DNAH14: variants seen among roughly 807,000 people sequenced by gnomAD.
DNAH14 encodes the protein dynein axonemal heavy chain 14.
DNAH14 carries 478 observed loss-of-function variants against 520.9 expected under a neutral mutation model. That is an observed-to-expected ratio of 0.92 (90% CI 0.85 to 0.99). DNAH14 has a LOEUF of 0.99. Ranked by LOEUF, DNAH14 falls within the 50% of genes least tolerant of loss-of-function variation. The pLI, the probability that DNAH14 is intolerant of heterozygous loss-of-function variation, is 0.00. For missense variants in DNAH14, 4,831 were observed against 5,234.5 expected, an observed-to-expected ratio of 0.92 and a Z score of 2.38; for synonymous variants, 1,581 against 1,757.2, an observed-to-expected ratio of 0.90 and a Z score of 2.51.
chr1:225,351,945 A>G, intron 72 of DNAH14, 62 bp downstream of exon 72: 2 of 1,346,342 alleles, frequency 1.5e-6, no homozygotes, highest in Non-Finnish European at 2.0e-6. Context: ...TGGATTTTCA[A>G]TTTGTAAATG....
At chr1:224,951,879 T>C (rs1260278032) in intron 1 of DNAH14, among the ~76,000 whole-genome samples, 3 of 152,084 alleles carry the variant, frequency 2.0e-5, no homozygotes, top group African/African-American at 7.2e-5. Flanking sequence ...GACCTCGTGA[T>C]CCACCCGCCT....
chr1:225,296,684 G>T (rs1280752201), intron 55 of DNAH14, among the ~76,000 whole-genome samples: 2 of 152,074 alleles, frequency 1.3e-5, no homozygotes, highest in African/African-American at 4.8e-5. Context: ...TAGGGGTGAT[G>T]AATTCCCTCA....
chr1:225,360,701 C>G lies in DNAH14; in HGVS notation c.11797C>G (p.Leu3933Val). 1 of 1,551,718 alleles carries G rather than the reference C, an allele frequency of 6.4e-7. No individual in the cohort carries two copies. The highest frequency in any genetic ancestry group is 1.4e-5 in the African/African-American group (1 of 73,180). ...TACAGGGATCGACCTTACCAATATC[C>G]TCCTGAGATTTGCACAAGAGTTAAA... ...QTHGIDLTNI[L>V]LRFAQELKGT... Residue 3933 changes from leucine to valine, a missense_variant, in exon 75 of 86, where the codon CTC becomes GTC. Transcript: ENST00000682510.
At chr1:225,201,739 G>A (rs573942653) in intron 38 of DNAH14, among the ~76,000 whole-genome samples, 8 of 152,234 alleles carry the variant, frequency 5.3e-5, no homozygotes, top group African/African-American at 9.6e-5. Context: ...TCTCAGCCAC[G>A]GGTAGCAGCA....
At chr1:225,302,035 C>T (rs530818706) in intron 56 of DNAH14, among the ~76,000 whole-genome samples, 1 of 149,512 alleles carries the variant, frequency 6.7e-6, no homozygotes, top group East Asian at 1.9e-4. Flanking sequence ...GAGAATAGTA[C>T]TCCAGAAAAT....
At chr1:225,133,909 G>A (rs149145366) in intron 27 of DNAH14, among the ~76,000 whole-genome samples, 52 of 152,212 alleles carry the variant, frequency 3.4e-4, no homozygotes, top group African/African-American at 1.2e-3. Context: ...CCTGAGCAGT[G>A]GTTTGTAGTT....
chr1:225,002,275 C>T (rs971859827), intron 8 of DNAH14, among the ~76,000 whole-genome samples: 1 of 152,050 alleles, frequency 6.6e-6, no homozygotes, highest in Non-Finnish European at 1.5e-5. Context: ...TGATTTGTCT[C>T]ACCTTTATTT....
At chr1:225,389,472 G>A (rs2095878078) in intron 82 of DNAH14, among the ~76,000 whole-genome samples, 1 of 152,258 alleles carries the variant, frequency 6.6e-6, no homozygotes, top group South Asian at 2.1e-4. Flanking sequence ...ACAAGATTCT[G>A]CGAGGCGCAG....
intron 52 of DNAH14, among the ~76,000 whole-genome samples, chr1:225,273,498 G>A (rs2093372407): frequency 6.6e-6 from 1 of 152,214 alleles, no homozygotes; most frequent in Non-Finnish European, 1.5e-5. Context: ...GTTGTTTCAT[G>A]AAAGTCCTCA....
At chr1:225,289,106 A>G (rs1315741581) in intron 54 of DNAH14, among the ~76,000 whole-genome samples, 3 of 152,180 alleles carry the variant, frequency 2.0e-5, no homozygotes, top group Admixed American at 1.3e-4. Flanking sequence ...ATACAATAGA[A>G]TACCATTCAG....
chr1:225,177,607 G>A (rs34436845), intron 36 of DNAH14, among the ~76,000 whole-genome samples: 17,227 of 152,104 alleles, frequency 0.11, 1,162 homozygotes, highest in East Asian at 0.31. Context: ...CCTGAAAGGG[G>A]ACAATGTAGA....
chr1:225,259,093 A>G, intron 45 of DNAH14, 28 bp from the exon 46 acceptor site: 1 of 1,533,320 alleles, frequency 6.5e-7, no homozygotes, highest in South Asian at 1.2e-5. Context: ...TTGCATATAC[A>G]TCTAACCTTG....
rs757665696 is a variant in DNAH14 at position 225,266,777 on chromosome 1, A to AT, written c.7539+9dup. On this transcript the variant is annotated intron_variant, in intron 49 of 85. Transcript: ENST00000682510. Reference sequence around the variant, plus strand: ...GAAAAAAATACATGGAAGGTACAGTATATACTAAGATTTTGTTCACATTAA... The same window carrying AT: ...GAAAAAAATACATGGAAGGTACAGTATTATACTAAGATTTTGTTCACATTAA... 1.6e-5 allele frequency: 23 copies of AT among 1,479,294 alleles called. No individual in the cohort carries two copies. In the African/African-American group the frequency reaches 3.4e-4, roughly 22 times the overall value. The allele number at this position is 1,479,294 out of a possible 1,614,324, so 91.6% of individuals were successfully genotyped here.
chr1:224,943,279 C>A (rs368373007), intron 1 of DNAH14, among the ~76,000 whole-genome samples: 1 of 151,746 alleles, frequency 6.6e-6, no homozygotes, highest in Non-Finnish European at 1.5e-5. Context: ...AGTTTATTTG[C>A]GTAGAGGTGT....
intron 41 of DNAH14, among the ~76,000 whole-genome samples, chr1:225,223,482 C>T (rs1364682059): frequency 1.3e-5 from 2 of 152,200 alleles, no homozygotes; most frequent in South Asian, 2.1e-4. Flanking sequence ...AATTAAAAGT[C>T]GGCCATATAG....
chr1:225,228,995 G>A (rs963130406), intron 41 of DNAH14, among the ~76,000 whole-genome samples: 7 of 152,166 alleles, frequency 4.6e-5, no homozygotes, highest in Non-Finnish European at 7.4e-5. Flanking sequence ...TCCTAAAACC[G>A]GCCTTTGATC....
chr1:225,236,500 T>G (rs1285359778), intron 42 of DNAH14, among the ~76,000 whole-genome samples: 1 of 152,192 alleles, frequency 6.6e-6, no homozygotes, highest in Non-Finnish European at 1.5e-5. Context: ...TATGTTGTGT[T>G]GTTTTTGGGT....
chr1:224,931,487 A>G (rs562164909), intron 1 of DNAH14, among the ~76,000 whole-genome samples: 6 of 152,186 alleles, frequency 3.9e-5, no homozygotes, highest in Non-Finnish European at 5.9e-5. Context: ...TTTGTTAAGT[A>G]CATTTTACTC....
At chr1:225,274,244 G>A (rs905726290) in intron 52 of DNAH14, among the ~76,000 whole-genome samples, 2 of 121,350 alleles carry the variant, frequency 1.6e-5, no homozygotes, top group South Asian at 5.2e-4. Context: ...TCGTTCTGTC[G>A]CCCAGGCGGG....
Sources: gnomAD v4.1 joint callset for allele counts (sites outside exome capture counted in the v4.1 genomes callset) on GRCh38, gnomAD v4.1.1 for gene constraint, MANE v1.5 for transcripts, NCBI Gene and HGNC (gene_info 2026-07-23, HGNC 2026-07-21) for gene names.